KLHL1: variants seen among roughly 807,000 people sequenced by gnomAD.
KLHL1 encodes kelch-like protein 1.
In KLHL1, 47 loss-of-function variants were observed where a neutral mutation model predicts 77.7. The observed-to-expected ratio is 0.60, with a 90% CI of 0.48 to 0.77. The LOEUF (loss-of-function observed/expected upper bound fraction) is 0.77, where lower values mean the gene tolerates loss of function less well. Ranked by LOEUF, KLHL1 falls within the 30% of genes least tolerant of loss-of-function variation. KLHL1 has a pLI of 0.00. For synonymous variants in KLHL1, 360 were observed against 325.2 expected, an observed-to-expected ratio of 1.11 and a Z score of -1.15; for missense variants, 925 against 910.8, an observed-to-expected ratio of 1.02 and a Z score of -0.20.
intron 4 of KLHL1, among the ~76,000 whole-genome samples, chr13:69,929,493 C>A (rs568148175): frequency 6.6e-6 from 1 of 151,740 alleles, no homozygotes; most frequent in East Asian, 1.9e-4. Flanking sequence ...TAAAGAAGGA[C>A]TTAATAAGTT....
chr13:69,906,761 T>C (rs979269790), intron 4 of KLHL1, among the ~76,000 whole-genome samples: 1 of 151,956 alleles, frequency 6.6e-6, no homozygotes. Flanking sequence ...TAATAAAAAT[T>C]CATTTGACTG....
At chr13:70,034,729 T>C (rs1266110887) in intron 1 of KLHL1, among the ~76,000 whole-genome samples, 1 of 152,236 alleles carries the variant, frequency 6.6e-6, no homozygotes, top group African/African-American at 2.4e-5. Context: ...TAGGAAATTA[T>C]ACACCATCGT....
intron 1 of KLHL1, among the ~76,000 whole-genome samples, chr13:70,086,609 AGAAAGAAAG>A (rs1887548704): frequency 2.1e-5 from 2 of 95,916 alleles, no homozygotes; most frequent in Admixed American, 1.2e-4. Context: ...AAAGAAAGAA[AGAAAGAAAG>A]AAAGAAAGAA....
chr13:69,714,948 G>A (rs1251104914), intron 9 of KLHL1, among the ~76,000 whole-genome samples: 1 of 152,026 alleles, frequency 6.6e-6, no homozygotes, highest in Non-Finnish European at 1.5e-5. Context: ...GTGCATATTT[G>A]TATTTCCACA....
intron 1 of KLHL1, among the ~76,000 whole-genome samples, chr13:70,064,890 C>T (rs1011906245): frequency 6.6e-6 from 1 of 152,154 alleles, no homozygotes; most frequent in Non-Finnish European, 1.5e-5. Context: ...ATGTATGAAA[C>T]TACCACCCCA....
rs1008977483 is a variant in KLHL1 at position 70,093,484 on chromosome 13, T to G, written c.497+13719A>C. Among the ~76,000 whole-genome samples the G allele has an allele frequency of 5.9e-5, 9 of 152,196 alleles. No homozygotes were observed. In the East Asian group the frequency reaches 7.7e-4, roughly 13 times the overall value. ...TAATAGTAATAGTAGTAACAAAATCTATGTAATTCCTAAGCACTTTAAAGA... is the reference window on the plus strand; with the variant it reads ...TAATAGTAATAGTAGTAACAAAATCGATGTAATTCCTAAGCACTTTAAAGA... On this transcript the variant is annotated intron_variant, in intron 1 of 10. Transcript: ENST00000377844.
chr13:69,797,082 A>C (rs565357660), intron 6 of KLHL1, 120 bp from the exon 7 acceptor site: 14 of 770,150 alleles, frequency 1.8e-5, no homozygotes, highest in Non-Finnish European at 2.5e-5. Context: ...TTTTAAAAGA[A>C]AAAGTGGCAG....
intron 7 of KLHL1, among the ~76,000 whole-genome samples, chr13:69,757,701 C>T (rs1270027406): frequency 1.3e-5 from 2 of 152,044 alleles, no homozygotes. Flanking sequence ...CCTGTAATCC[C>T]AGCACTTTGG....
chr13:69,862,738 A>C (rs1371315068), intron 5 of KLHL1, among the ~76,000 whole-genome samples: 1 of 152,092 alleles, frequency 6.6e-6, no homozygotes. Flanking sequence ...GAAGAGGAAG[A>C]GAGAGATCTC....
At chr13:70,062,003 C>T (rs1886901610) in intron 1 of KLHL1, among the ~76,000 whole-genome samples, 1 of 152,108 alleles carries the variant, frequency 6.6e-6, no homozygotes, top group South Asian at 2.1e-4. Flanking sequence ...GTAAAGTTAG[C>T]CATATTCACC....
intron 1 of KLHL1, among the ~76,000 whole-genome samples, chr13:69,992,808 C>G (rs1885058286): frequency 6.6e-6 from 1 of 151,744 alleles, no homozygotes; most frequent in Non-Finnish European, 1.5e-5. Flanking sequence ...CAAGACAACT[C>G]ACAAAATAAG....
In KLHL1 at chr13:69,725,488, G is replaced by T. The variant is rs75127872; in HGVS notation, c.1803-5907C>A. Among the ~76,000 whole-genome samples the T allele has an allele frequency of 9.6e-3, 1,467 of 152,200 alleles. 28 individuals are homozygous for T. Among genetic ancestry groups the T allele is most frequent in the African/African-American group, 0.033 (1,391 of 41,538 alleles). On this transcript the variant is annotated intron_variant, in intron 8 of 10. Transcript: ENST00000377844. ...CATGGTTATACCTAGTTAGTAAGAT[G>T]CTGGAAAGTCTTGTCTTTATTTTAG...
intron 7 of KLHL1, among the ~76,000 whole-genome samples, chr13:69,744,129 T>C (rs887080126): frequency 1.3e-5 from 2 of 152,122 alleles, no homozygotes; most frequent in African/African-American, 2.4e-5. Context: ...GAAGATACTA[T>C]GAAGAGAGAA....
chr13:69,708,316 GT>G (rs1875721724), intron 9 of KLHL1, among the ~76,000 whole-genome samples: 1 of 151,824 alleles, frequency 6.6e-6, no homozygotes, highest in African/African-American at 2.4e-5. Flanking sequence ...TTTGTTTTTT[GT>G]TTTAATGCAT....
intron 6 of KLHL1, among the ~76,000 whole-genome samples, chr13:69,810,545 A>G (rs1877828927): frequency 6.6e-6 from 1 of 152,118 alleles, no homozygotes; most frequent in Admixed American, 6.6e-5. Flanking sequence ...AAGGTTAACA[A>G]CAAAGTTTAT....
intron 3 of KLHL1, among the ~76,000 whole-genome samples, chr13:69,945,080 G>T (rs1363961462): frequency 2.0e-5 from 3 of 147,574 alleles, no homozygotes; most frequent in Admixed American, 6.9e-5. Flanking sequence ...CCACCTCCCG[G>T]GTTCAAGTGA....
chr13:69,888,368 G>A (rs960580599), intron 4 of KLHL1, among the ~76,000 whole-genome samples: 2 of 152,092 alleles, frequency 1.3e-5, no homozygotes, highest in Non-Finnish European at 2.9e-5. Context: ...GACCTTAGGT[G>A]GAAATAGGGT....
At chr13:70,089,644 A>T (rs555603931) in intron 1 of KLHL1, among the ~76,000 whole-genome samples, 226 of 152,190 alleles carry the variant, frequency 1.5e-3, no homozygotes, top group Non-Finnish European at 2.8e-3. Flanking sequence ...CTATCAATTT[A>T]AACATTGTGC....
chr13:70,054,595 G>A (rs573009979), intron 1 of KLHL1, among the ~76,000 whole-genome samples: 3 of 151,980 alleles, frequency 2.0e-5, no homozygotes, highest in African/African-American at 7.2e-5. Context: ...ACCCCCAAGT[G>A]ACATAAATAT....
Sources: gnomAD v4.1 joint callset for allele counts (sites outside exome capture counted in the v4.1 genomes callset) on GRCh38, gnomAD v4.1.1 for gene constraint, MANE v1.5 for transcripts, NCBI Gene and HGNC (gene_info 2026-07-23, HGNC 2026-07-21) for gene names.